LOC102723971: variants seen among roughly 807,000 people sequenced by gnomAD.
At chr9:135,617,097 C>T in the LOC102723971 span, 7 of 397,784 alleles carry the variant, frequency 1.8e-5, no homozygotes, top group Admixed American at 8.8e-5. Context: ...TGGACACTCC[C>T]GGCTCTGTGC....
At chr9:135,617,864 C>T in the LOC102723971 span, 5 of 397,444 alleles carry the variant, frequency 1.3e-5, no homozygotes, top group South Asian at 1.3e-4. Flanking sequence ...TCTGCCTCCC[C>T]GTTGTTCTCC....
At chr9:135,615,222 G>A in the LOC102723971 span, 20 of 393,384 alleles carry the variant, frequency 5.1e-5, no homozygotes, top group East Asian at 3.6e-4. Flanking sequence ...CCCGGCCCAC[G>A]CCCCTGCAGG....
chr9:135,618,482 G>A, the LOC102723971 span, among the ~76,000 whole-genome samples: 1 of 152,274 alleles, frequency 6.6e-6, no homozygotes, highest in East Asian at 1.9e-4. Context: ...CCCTAGTGCA[G>A]GTTACATTGC....
At chr9:135,615,602 GC>G in the LOC102723971 span, 1 of 397,908 alleles carries the variant, frequency 2.5e-6, no homozygotes, top group South Asian at 1.3e-4. Flanking sequence ...ATCACACCAA[GC>G]TGAGGCCCAA....
the LOC102723971 span, among the ~76,000 whole-genome samples, chr9:135,615,918 C>T: frequency 2.0e-5 from 3 of 152,246 alleles, no homozygotes; most frequent in South Asian, 2.1e-4. Context: ...AAAAGAAAAT[C>T]GGCCCTGGGG....
the LOC102723971 span, chr9:135,616,785 T>C: frequency 5.0e-6 from 2 of 397,698 alleles, no homozygotes; most frequent in South Asian, 1.3e-4. Context: ...GAAGACCGGG[T>C]GCTGGAAGGA....
chr9:135,618,579 C>G, the LOC102723971 span, among the ~76,000 whole-genome samples: 2 of 151,880 alleles, frequency 1.3e-5, no homozygotes, highest in African/African-American at 4.8e-5. Context: ...GGAGCATGAC[C>G]GTGCTGTGTG....
the LOC102723971 span, chr9:135,618,059 C>T: frequency 5.0e-6 from 2 of 398,602 alleles, no homozygotes; most frequent in East Asian, 7.1e-5. Flanking sequence ...GCACTGTCCC[C>T]CAGCCACATC....
chr9:135,614,610 A>G, the LOC102723971 span, among the ~76,000 whole-genome samples: 7 of 152,174 alleles, frequency 4.6e-5, no homozygotes, highest in African/African-American at 1.7e-4. Flanking sequence ...AAGCTACAGC[A>G]CAACAGCAGG....
the LOC102723971 span, among the ~76,000 whole-genome samples, chr9:135,616,111 G>C: frequency 6.6e-6 from 1 of 152,224 alleles, no homozygotes; most frequent in African/African-American, 2.4e-5. Context: ...TGAAGACCCC[G>C]GAGCAAGGGG....
chr9:135,617,771 G>T, the LOC102723971 span, among the ~76,000 whole-genome samples: 22,814 of 152,060 alleles, frequency 0.15, 1,813 homozygotes, highest in East Asian at 0.28. Flanking sequence ...CTGGGAGGTC[G>T]CAGAGGGGGT....
the LOC102723971 span, chr9:135,616,896 G>A: frequency 2.5e-6 from 1 of 398,686 alleles, no homozygotes; most frequent in Non-Finnish European, 4.4e-6. Flanking sequence ...AGCTGGCCCG[G>A]GGTCTCCAAC....
the LOC102723971 span, among the ~76,000 whole-genome samples, chr9:135,619,884 AAT>A: frequency 8.0e-5 from 1 of 12,500 alleles, no homozygotes; most frequent in Non-Finnish European, 1.6e-4. Context: ...CCTTCTCCCC[AAT>A]CTCCCCCGTC....
chr9:135,618,965 C>T, the LOC102723971 span: 10 of 400,850 alleles, frequency 2.5e-5, no homozygotes, highest in East Asian at 3.2e-4. Flanking sequence ...CTAGGTCTGG[C>T]GGTTCTGGAG....
At chr9:135,616,275 G>C in the LOC102723971 span, among the ~76,000 whole-genome samples, 3 of 152,140 alleles carry the variant, frequency 2.0e-5, no homozygotes, top group Non-Finnish European at 4.4e-5. Flanking sequence ...AGCCAGACTG[G>C]GACCCATCTG....
chr9:135,615,570 G>C, the LOC102723971 span: 11 of 398,518 alleles, frequency 2.8e-5, no homozygotes, highest in Middle Eastern at 6.3e-4. Context: ...AACAGTGACA[G>C]TGTTCAGAGC....
At chr9:135,616,576 T>C in the LOC102723971 span, 1 of 398,584 alleles carries the variant, frequency 2.5e-6, no homozygotes, top group Admixed American at 4.4e-5. Context: ...GGTTCCTTTC[T>C]CTTTTCCCAG....
the LOC102723971 span, among the ~76,000 whole-genome samples, chr9:135,618,711 G>A: frequency 6.6e-6 from 1 of 151,736 alleles, no homozygotes; most frequent in Non-Finnish European, 1.5e-5. Context: ...ATCCAAGGCT[G>A]AGAGGGGCAG....
chr9:135,614,604 T>C, the LOC102723971 span, among the ~76,000 whole-genome samples: 2 of 152,128 alleles, frequency 1.3e-5, no homozygotes, highest in African/African-American at 2.4e-5. Context: ...CTGCGGAAGC[T>C]ACAGCACAAC....
Sources: allele counts gnomAD v4.1 joint callset (sites outside exome capture counted in the v4.1 genomes callset), GRCh38; gene constraint gnomAD v4.1.1; transcripts MANE v1.5.